Variants in ATP7B observed in about 807,000 individuals in gnomAD.
ATP7B encodes copper-transporting ATPase 2.
In ATP7B, 113 loss-of-function variants were observed where a neutral mutation model predicts 118.9. The observed-to-expected ratio is 0.95, with a 90% CI of 0.82 to 1.11. The LOEUF is 1.11. ATP7B is among the 50% of genes most tolerant of loss of function. The pLI is 0.00. For missense variants in ATP7B, 1,867 were observed against 1,871.4 expected (o/e 1.00, Z 0.04); for synonymous variants, 777 against 727.4 (o/e 1.07, Z -1.10).
At chr13:51,962,288 G>A (rs1167795799) in intron 5 of ATP7B, among the ~76,000 whole-genome samples, 1 of 152,198 alleles carries the variant, frequency 6.6e-6, no homozygotes, top group Non-Finnish European at 1.5e-5. Context: ...TCTCAGAAGA[G>A]CTGGACTCAG....
At chr13:52,005,188 C>A (rs1953708123) in intron 1 of ATP7B, among the ~76,000 whole-genome samples, 1 of 152,220 alleles carries the variant, frequency 6.6e-6, no homozygotes, top group Admixed American at 6.5e-5. Context: ...TTCCCAGCAG[C>A]CTTTTTATTC....
At position 51,934,149 on chromosome 13, in the gene ATP7B, C is replaced by T. The variant is rs1956832749; in HGVS notation, c.*607G>A. Reference sequence around the variant, plus strand: ...AAGCGCCTGAGAGCAGCAGCAAAGACCACAAGGACATTGGTCCCACCCTCC... The same window carrying T: ...AAGCGCCTGAGAGCAGCAGCAAAGATCACAAGGACATTGGTCCCACCCTCC... On this transcript the variant is annotated 3_prime_UTR_variant, in exon 21 of 21. Coordinates refer to ENST00000242839, the MANE Select transcript of ATP7B (RefSeq NM_000053.4). 5.7e-6 allele frequency: 1 copy of T among 176,102 alleles called. No individual in the cohort carries two copies. The highest frequency in any genetic ancestry group is 1.4e-4 in the South Asian group (1 of 7,200). 10.9% of individuals were successfully genotyped at this position (176,102 alleles called of 1,614,324 possible).
At chr13:52,001,504 C>G (rs558498137) in intron 1 of ATP7B, among the ~76,000 whole-genome samples, 6 of 152,246 alleles carry the variant, frequency 3.9e-5, no homozygotes, top group Admixed American at 1.3e-4. Context: ...ATACACCTGC[C>G]TCCGGAACTG....
intron 1 of ATP7B, among the ~76,000 whole-genome samples, chr13:51,992,924 GC>G: frequency 7.7e-6 from 1 of 129,654 alleles, no homozygotes; most frequent in East Asian, 2.5e-4. Flanking sequence ...GTTGCAGTGA[GC>G]CAAGATTACG....
intron 1 of ATP7B, among the ~76,000 whole-genome samples, chr13:51,985,152 T>C (rs557745304): frequency 6.6e-6 from 1 of 152,170 alleles, no homozygotes; most frequent in African/African-American, 2.4e-5. Context: ...GACTCATTGA[T>C]GTGCTGTATT....
At position 51,964,976 on chromosome 13, in the gene ATP7B, T is replaced by C. The variant is rs758602075; in HGVS notation, c.1765A>G (p.Thr589Ala). Residue 589 changes from threonine to alanine, a missense_variant, in exon 5 of 21, where the codon ACA becomes GCA. Physicochemically the swap from Thr to Ala is moderately conservative, Grantham distance 58. Coordinates refer to ENST00000242839, the MANE Select transcript of ATP7B (RefSeq NM_000053.4). ...VHNIESKLTRTNGITYASVAL... is the reference protein window; with the variant it reads ...VHNIESKLTRANGITYASVAL... The stretch of plus-strand genomic sequence containing the variant: ...ACGGAGGCATAAGTGATGCCATTTG[T>C]CCTCGTGAGTTTGGACTCTATGTTG... The C allele has an allele frequency of 6.2e-7, 1 of 1,614,192 alleles. No individual in the cohort carries two copies. Among genetic ancestry groups the C allele is most frequent in the Non-Finnish European group, 8.5e-7 (1 of 1,180,028 alleles).
chr13:51,946,456 T>G lies in ATP7B; in HGVS notation c.2888A>C (p.Gln963Pro), dbSNP rs1215229772. The change falls in exon 13 of 21, where the codon CAG becomes CCG. Residue 963 changes from glutamine to proline, a missense_variant. Coordinates refer to ENST00000242839, the MANE Select transcript of ATP7B (RefSeq NM_000053.4). ...AGCAAACCGGATGATCACCTCTGTC[T>G]GGGAGATGTGCTTGTTGGGGTTCTG... ...YFPNPNKHIS[Q>P]TEVIIRFAFQ... is the part of the protein sequence containing the mutation. The G allele has an allele frequency of 2.5e-6, 4 of 1,614,080 alleles. No homozygotes were observed. The African/African-American group carries it at 5.3e-5, about 22-fold the overall frequency.
intron 20 of ATP7B, 150 bp downstream of exon 20, chr13:51,935,443 A>G (rs1956901087): frequency 3.4e-6 from 3 of 872,388 alleles, no homozygotes; most frequent in Non-Finnish European, 5.5e-6. Context: ...AGTTACATGC[A>G]TGCACACCAG....
intron 12 of ATP7B, 22 bp from the exon 13 acceptor site, chr13:51,946,500 A>C: frequency 6.2e-7 from 1 of 1,613,396 alleles, no homozygotes; most frequent in African/African-American, 1.3e-5. Context: ...ACAGAGTCAG[A>C]GGCAGGTTGA....
rs563271518 is a variant in ATP7B, at chr13:51,974,531, G to C, written c.689C>G (p.Thr230Ser). The C allele has an allele frequency of 2.5e-6, 4 of 1,614,192 alleles. No homozygotes were observed. The highest frequency in any genetic ancestry group is 1.6e-4 in the Middle Eastern group (1 of 6,062). ...AGAAGATAAAGGTCTCTTTGGGTTA[G>C]TGCTTTGTAACCGCTCAATATCAAT... is the stretch of plus-strand genomic sequence containing the variant. The part of the protein sequence containing the change: ...GPIDIERLQS[T>S]NPKRPLSSAN... The change falls in exon 2 of 21, where the codon ACT becomes AGT. Residue 230 changes from threonine (T) to serine (S), a missense_variant. Coordinates refer to ENST00000242839, the MANE Select transcript of ATP7B (RefSeq NM_000053.4).
intron 6 of ATP7B, 98 bp from the exon 7 acceptor site, chr13:51,960,420 T>G: frequency 1.4e-6 from 2 of 1,440,976 alleles, no homozygotes; most frequent in Non-Finnish European, 1.9e-6. Flanking sequence ...AGACCTGCCT[T>G]TGTCACATGT....
chr13:51,937,229 AAGCCTTTCTGGGCGC>A, intron 19 of ATP7B, 32 bp downstream of exon 19: 1 of 1,574,640 alleles, frequency 6.4e-7, no homozygotes, highest in Non-Finnish European at 8.7e-7. Context: ...TGGGAGACAG[AAGCCTTTCTGGGCGC>A]AGCTGGAGCA....
At position 51,974,671 on chromosome 13, in the gene ATP7B, G is replaced by A. The variant is rs772619981; in HGVS notation, c.549C>T (p.Ala183=). ...TGAGATAAGGCTGATAAGTGATGAC[G>A]GCCTCTTGGTTGCTGAGTGAGACTT... ...RVKVSLSNQE[A]VITYQPYLIQ... Residue 183 remains alanine (A), a synonymous_variant, in exon 2 of 21, where the codon GCC becomes GCT. Coordinates refer to ENST00000242839, the MANE Select transcript of ATP7B (RefSeq NM_000053.4). 1.3e-5 allele frequency: 21 copies of A among 1,610,780 alleles called. No homozygotes were observed. The highest frequency in any genetic ancestry group is 2.7e-5 in the African/African-American group (2 of 74,792).
intron 2 of ATP7B, 68 bp downstream of exon 2, chr13:51,973,867 T>C (rs747415057): frequency 1.9e-6 from 3 of 1,602,784 alleles, no homozygotes; most frequent in Admixed American, 1.7e-5. Context: ...TATACCACCA[T>C]CCAGGAGCTA....
chr13:51,940,202 G>A (rs1380459713), intron 16 of ATP7B, among the ~76,000 whole-genome samples: 5 of 148,866 alleles, frequency 3.4e-5, no homozygotes, highest in Non-Finnish European at 4.5e-5. Flanking sequence ...TAGTAGAGAC[G>A]GGGTTTCTCC....
intron 1 of ATP7B, among the ~76,000 whole-genome samples, chr13:51,981,343 C>A (rs1296989993): frequency 6.6e-6 from 1 of 152,214 alleles, no homozygotes; most frequent in Non-Finnish European, 1.5e-5. Context: ...CCTGGCTTCA[C>A]CCACTAGTAT....
intron 1 of ATP7B, 69 bp downstream of exon 1, chr13:52,011,218 G>A: frequency 6.2e-7 from 1 of 1,612,638 alleles, no homozygotes; most frequent in Non-Finnish European, 8.5e-7. Flanking sequence ...AGTAAGCGCC[G>A]AACGCGGGGA....
chr13:51,950,449 G>C (rs763570769), intron 9 of ATP7B, 50 bp from the exon 10 acceptor site: 1 of 1,611,170 alleles, frequency 6.2e-7, no homozygotes, highest in Non-Finnish European at 8.5e-7. Flanking sequence ...TCGGTCACCG[G>C]GTCAGGTTCT....
intron 9 of ATP7B, among the ~76,000 whole-genome samples, chr13:51,953,911 A>C (rs1958175116): frequency 6.9e-6 from 1 of 145,832 alleles, no homozygotes; most frequent in South Asian, 2.2e-4. Context: ...GGGCTGTGCA[A>C]GCCTTTTAAT....
Sources: allele counts gnomAD v4.1 joint callset (sites outside exome capture counted in the v4.1 genomes callset), GRCh38; gene constraint gnomAD v4.1.1; transcripts MANE v1.5; gene names NCBI Gene and HGNC (gene_info 2026-07-23, HGNC 2026-07-21).